Variants in PCGF6 observed in about 807,000 individuals in gnomAD.
The protein encoded by PCGF6 is polycomb group ring finger 6, also known as polycomb group RING finger protein 6.
Under a neutral mutation model 45.5 loss-of-function variants are expected in PCGF6, and 24 were observed. The ratio of observed to expected loss-of-function variants is 0.53; its 90% CI spans 0.38 to 0.74. PCGF6 has a LOEUF of 0.74. Among genes scored for constraint, PCGF6 ranks in the 30% least tolerant of loss-of-function variants. The pLI is 0.00. For synonymous variants in PCGF6, 152 were observed against 162.1 expected (o/e 0.94, Z 0.47); for missense variants, 356 against 443.2 (o/e 0.80, Z 1.77).
chr10:103,315,815 T>C (rs2093172989), intron 8 of PCGF6, among the ~76,000 whole-genome samples: 1 of 152,124 alleles, frequency 6.6e-6, no homozygotes, highest in Admixed American at 6.6e-5. Context: ...CTGACTTTTA[T>C]ATAGAATTCT....
Position 103,339,810 on chromosome 10 carries a change from A to ACAC in PCGF6, c.782+5213_782+5214insGTG, listed in dbSNP as rs1554865095. On this transcript the variant is annotated intron_variant, in intron 6 of 9. Coordinates refer to ENST00000369847, the MANE Select transcript of PCGF6 (RefSeq NM_001011663.2). ...GAAATTCTGTCTGTCTCAAAAAAAA[A>ACAC]ACACACACACACACACACACACACA... Among the ~76,000 whole-genome samples, 15 of 32,216 alleles carry ACAC rather than the reference A, an allele frequency of 4.7e-4. 1 individual carries two copies. The highest frequency in any genetic ancestry group is 1.9e-3 in the East Asian group (1 of 528). 21.1% of individuals were successfully genotyped at this position (32,216 alleles called of 152,430 possible).
chr10:103,304,656 CT>C (rs34403112), intron 9 of PCGF6, among the ~76,000 whole-genome samples: 48 of 137,300 alleles, frequency 3.5e-4, no homozygotes, highest in Admixed American at 3.0e-4. Context: ...CCCAGCCCCA[CT>C]TTTTTTTTTT....
chr10:103,339,191 G>C (rs969426557), intron 6 of PCGF6, among the ~76,000 whole-genome samples: 2 of 152,090 alleles, frequency 1.3e-5, no homozygotes, highest in African/African-American at 4.8e-5. Flanking sequence ...AAGGCGGGTA[G>C]ATTGCTTGAG....
Position 103,347,223 on chromosome 10 carries a change from T to C in PCGF6, c.673+15A>G. On this transcript the variant is annotated intron_variant, in intron 5 of 9. Coordinates refer to ENST00000369847, the MANE Select transcript of PCGF6 (RefSeq NM_001011663.2). ...TTTAATCTGTAAGTACATTATAGTATACACCCAAACTTACCAGGTTTAGGT... is the reference window on the plus strand; with the variant it reads ...TTTAATCTGTAAGTACATTATAGTACACACCCAAACTTACCAGGTTTAGGT... The C allele has an allele frequency of 3.2e-6, 5 of 1,581,944 alleles. No individual in the cohort carries two copies. The highest frequency in any genetic ancestry group is 4.3e-6 in the Non-Finnish European group (5 of 1,152,678).
rs2093220271 is a variant in PCGF6 at position 103,326,704 on chromosome 10, T to C, written c.811-72A>G. 5 of 1,079,460 alleles carry C rather than the reference T, an allele frequency of 4.6e-6. No individual in the cohort carries two copies. The South Asian group carries it at 7.1e-5, about 15-fold the overall frequency. The allele number at this position is 1,079,460 out of a possible 1,614,324, so 66.9% of individuals were successfully genotyped here. A position where few individuals can be genotyped will look rare whatever the true frequency, so the allele number is the denominator to read the frequency against. On this transcript the variant is annotated intron_variant, in intron 7 of 9. Coordinates refer to ENST00000369847, the MANE Select transcript of PCGF6 (RefSeq NM_001011663.2). Reference sequence around the variant, plus strand: ...TACATGCATGACGTATGTGTATATATATGTAATGTGTAAACATTAAAGAAA... The same window carrying C: ...TACATGCATGACGTATGTGTATATACATGTAATGTGTAAACATTAAAGAAA...
At chr10:103,320,907 C>G (rs1391587894) in intron 8 of PCGF6, among the ~76,000 whole-genome samples, 1 of 152,168 alleles carries the variant, frequency 6.6e-6, no homozygotes, top group African/African-American at 2.4e-5. Flanking sequence ...AGGCTCGTGA[C>G]TGCAGGACAC....
chr10:103,314,137 CT>C, intron 9 of PCGF6, 48 bp downstream of exon 9: 1 of 1,193,696 alleles, frequency 8.4e-7, no homozygotes, highest in Non-Finnish European at 1.2e-6. Context: ...ACATGGATAA[CT>C]TTCACTAAGT....
chr10:103,304,388 T>G (rs1453760069), intron 9 of PCGF6, among the ~76,000 whole-genome samples: 1 of 152,244 alleles, frequency 6.6e-6, no homozygotes, highest in Non-Finnish European at 1.5e-5. Context: ...TTGCCCAGGC[T>G]GGAGTACAGT....
intron 8 of PCGF6, among the ~76,000 whole-genome samples, chr10:103,322,833 C>T (rs1344709782): frequency 1.3e-5 from 2 of 148,736 alleles, no homozygotes; most frequent in Admixed American, 6.8e-5. Flanking sequence ...CACACACACA[C>T]ACAAAAAGTC....
At position 103,334,062 on chromosome 10, in the gene PCGF6, AAC is replaced by A. The variant is rs528310715; in HGVS notation, c.783-112_783-111del. 166 of 734,504 alleles carry A rather than the reference AAC, an allele frequency of 2.3e-4. No homozygotes were observed. The African/African-American group carries it at 2.7e-3, about 12-fold the overall frequency. The allele number at this position is 734,504 out of a possible 1,614,324, so 45.5% of individuals were successfully genotyped here. ...AAACATCAATTCATTGTAATTCTAGAACACAGTCACCTGAAGTTTTATGAAAT... is the reference window on the plus strand; with the variant it reads ...AAACATCAATTCATTGTAATTCTAGAACAGTCACCTGAAGTTTTATGAAAT... On this transcript the variant is annotated intron_variant, in intron 6 of 9. Transcript: ENST00000369847.
At chr10:103,321,744 A>C (rs1349152739) in intron 8 of PCGF6, among the ~76,000 whole-genome samples, 1 of 151,988 alleles carries the variant, frequency 6.6e-6, no homozygotes, top group Non-Finnish European at 1.5e-5. Flanking sequence ...TAATAATAAT[A>C]TATTGTAATT....
intron 8 of PCGF6, among the ~76,000 whole-genome samples, chr10:103,317,797 T>C (rs2093181616): frequency 6.6e-6 from 1 of 151,736 alleles, no homozygotes; most frequent in Non-Finnish European, 1.5e-5. Context: ...GCTCTTGTTG[T>C]CCAGGCTGGA....
chr10:103,340,248 C>T (rs1295598761), intron 6 of PCGF6, among the ~76,000 whole-genome samples: 2 of 127,188 alleles, frequency 1.6e-5, no homozygotes, highest in Non-Finnish European at 3.3e-5. Context: ...TATGAATAAA[C>T]AAAAGCAATT....
At chr10:103,309,019 T>C (rs1270303846) in intron 9 of PCGF6, among the ~76,000 whole-genome samples, 1 of 152,326 alleles carries the variant, frequency 6.6e-6, no homozygotes, top group East Asian at 1.9e-4. Flanking sequence ...TATACCCCCA[T>C]TGTATCTTGG....
At chr10:103,332,809 C>T (rs2093244626) in intron 7 of PCGF6, among the ~76,000 whole-genome samples, 1 of 152,074 alleles carries the variant, frequency 6.6e-6, no homozygotes, top group Admixed American at 6.6e-5. Flanking sequence ...AGGTTCAACG[C>T]TATCAAAAAT....
chr10:103,322,586 T>G (rs1214242056), intron 8 of PCGF6, among the ~76,000 whole-genome samples: 1 of 151,894 alleles, frequency 6.6e-6, no homozygotes, highest in Non-Finnish European at 1.5e-5. Flanking sequence ...TTTGGGAGGC[T>G]GAGGCAGGAG....
At position 103,316,011 on chromosome 10, in the gene PCGF6, TATAGAGAG is replaced by T. The variant is rs1460284646; in HGVS notation, c.910-1747_910-1740del. On this transcript the variant is annotated intron_variant, in intron 8 of 9. Transcript: ENST00000369847. ...GTGTGTGTGTATATATATATATATA[TATAGAGAG>T]AGAGAGAGAGAGAGAGAGAGAGAGA... Among the ~76,000 whole-genome samples the T allele has an allele frequency of 4.8e-4, 62 of 129,822 alleles. 1 individual carries two copies. Among genetic ancestry groups the T allele is most frequent in the Admixed American group, 4.2e-4 (5 of 12,018 alleles). 85.2% of individuals were successfully genotyped at this position (129,822 alleles called of 152,430 possible).
chr10:103,340,628 GCT>G (rs2093277369), intron 6 of PCGF6, among the ~76,000 whole-genome samples: 1 of 150,120 alleles, frequency 6.7e-6, no homozygotes, highest in Non-Finnish European at 1.5e-5. Flanking sequence ...ACAGGGTCTT[GCT>G]CTGTCACCCA....
chr10:103,317,592 T>G (rs2093180609), intron 8 of PCGF6, among the ~76,000 whole-genome samples: 1 of 151,724 alleles, frequency 6.6e-6, no homozygotes, highest in Non-Finnish European at 1.5e-5. Context: ...TGAGATATGA[T>G]CGTACCGCTC....
Sources: gnomAD v4.1 joint callset for allele counts (sites outside exome capture counted in the v4.1 genomes callset) on GRCh38, gnomAD v4.1.1 for gene constraint, MANE v1.5 for transcripts, NCBI Gene and HGNC (gene_info 2026-07-23, HGNC 2026-07-21) for gene names.